EPB41L4B: variants seen among roughly 807,000 people sequenced by gnomAD.
The protein encoded by EPB41L4B is band 4.1-like protein 4B.
Under a neutral mutation model 112.5 loss-of-function variants are expected in EPB41L4B, and 30 were observed. The ratio of observed to expected loss-of-function variants is 0.27; its 90% CI spans 0.20 to 0.36. The LOEUF (loss-of-function observed/expected upper bound fraction) is 0.36. Ranked by LOEUF, EPB41L4B falls within the 10% of genes least tolerant of loss-of-function variation. EPB41L4B has a pLI of 1.00. For synonymous variants in EPB41L4B, 408 were observed against 439.7 expected (o/e 0.93, Z 0.90); for missense variants, 1,024 against 1,133.3 (o/e 0.90, Z 1.38).
chr9:109,250,441 C>T (rs1834740598), intron 13 of EPB41L4B, among the ~76,000 whole-genome samples: 1 of 152,240 alleles, frequency 6.6e-6, no homozygotes, highest in African/African-American at 2.4e-5. Flanking sequence ...GCCTTGAGAC[C>T]TGCGCCTGGG....
At chr9:109,293,353 A>G (rs1836604383) in intron 1 of EPB41L4B, among the ~76,000 whole-genome samples, 3 of 149,682 alleles carry the variant, frequency 2.0e-5, no homozygotes, top group African/African-American at 7.4e-5. Context: ...GCTTGAAGAC[A>G]AGGAAGCAGA....
At position 109,279,983 on chromosome 9, in the gene EPB41L4B, G is replaced by GT; in HGVS notation, c.307-63dup. On this transcript the variant is annotated intron_variant, in intron 1 of 25. Transcript: ENST00000374566. ...GAGACAGCTAGATAAGAAAAAAAAG[G>GT]TTAAAAAAAACCTACTTCTCTTTGT... 3.8e-6 allele frequency: 5 copies of GT among 1,328,930 alleles called. No homozygotes were observed. In the South Asian group the frequency reaches 6.6e-5, roughly 18 times the overall value. 82.3% of individuals were successfully genotyped at this position (1,328,930 alleles called of 1,614,324 possible).
intron 19 of EPB41L4B, among the ~76,000 whole-genome samples, chr9:109,202,939 T>G (rs969797639): frequency 3.3e-5 from 5 of 152,056 alleles, no homozygotes; most frequent in African/African-American, 1.2e-4. Context: ...GTGGATCACT[T>G]AAGTCAGGAG....
At chr9:109,262,935 A>G (rs1436085324) in intron 6 of EPB41L4B, 115 bp downstream of exon 6, 2 of 715,654 alleles carry the variant, frequency 2.8e-6, no homozygotes, top group Non-Finnish European at 2.3e-6. Context: ...AGACCGTGTC[A>G]TATTCATTTA....
intron 15 of EPB41L4B, chr9:109,241,226 C>CAA: frequency 1.0e-6 from 1 of 986,940 alleles, no homozygotes; most frequent in South Asian, 4.7e-5. Flanking sequence ...AAAATGAGGT[C>CAA]AATGAAGGGG....
At chr9:109,218,605 G>A (rs544480343) in intron 15 of EPB41L4B, among the ~76,000 whole-genome samples, 18 of 152,100 alleles carry the variant, frequency 1.2e-4, no homozygotes, top group African/African-American at 3.6e-4. Context: ...AATCCTTTAT[G>A]TGGCACTGAC....
At chr9:109,276,800 T>G (rs987640679) in intron 2 of EPB41L4B, among the ~76,000 whole-genome samples, 2 of 152,198 alleles carry the variant, frequency 1.3e-5, no homozygotes, top group Admixed American at 6.5e-5. Flanking sequence ...GAGGGGTCAC[T>G]TGGGGATGAG....
chr9:109,234,720 A>G (rs2118924070), intron 15 of EPB41L4B, among the ~76,000 whole-genome samples: 1 of 152,306 alleles, frequency 6.6e-6, no homozygotes, highest in East Asian at 1.9e-4. Context: ...TTAAAAATTT[A>G]GCAAAGCATG....
intron 20 of EPB41L4B, among the ~76,000 whole-genome samples, chr9:109,195,445 T>A (rs189039815): frequency 5.3e-5 from 8 of 152,276 alleles, no homozygotes; most frequent in Admixed American, 5.2e-4. Flanking sequence ...GACTTAGGGC[T>A]CATTACTAAA....
At chr9:109,246,163 A>C (rs1196474154) in intron 14 of EPB41L4B, among the ~76,000 whole-genome samples, 1 of 152,234 alleles carries the variant, frequency 6.6e-6, no homozygotes, top group African/African-American at 2.4e-5. Context: ...GCACTTTGGG[A>C]GGCTGAGGCG....
At chr9:109,186,239 G>C (rs28463411) in intron 22 of EPB41L4B, among the ~76,000 whole-genome samples, 8,994 of 151,872 alleles carry the variant, frequency 0.059, 407 homozygotes, top group Admixed American at 0.13. Flanking sequence ...CCAGGTTGGA[G>C]TGCAGTGTCA....
intron 15 of EPB41L4B, chr9:109,240,348 G>A (rs1834311239): frequency 2.0e-6 from 2 of 985,240 alleles, no homozygotes; most frequent in African/African-American, 1.7e-5. Context: ...ACTGTGCAAG[G>A]TATGCAGCTG....
At chr9:109,282,412 A>C (rs1836101469) in intron 1 of EPB41L4B, among the ~76,000 whole-genome samples, 1 of 152,234 alleles carries the variant, frequency 6.6e-6, no homozygotes, top group South Asian at 2.1e-4. Context: ...GAATCTAAAG[A>C]AAGCTTTTAA....
intron 15 of EPB41L4B, among the ~76,000 whole-genome samples, chr9:109,220,515 A>C (rs1833536262): frequency 6.6e-6 from 1 of 152,150 alleles, no homozygotes; most frequent in African/African-American, 2.4e-5. Flanking sequence ...TGGTGGATGG[A>C]GTGAGGTGAA....
chr9:109,288,754 A>AAAAAAAAAAAAAC (rs71372560), intron 1 of EPB41L4B, among the ~76,000 whole-genome samples: 1 of 139,030 alleles, frequency 7.2e-6, no homozygotes, highest in Admixed American at 7.5e-5. Flanking sequence ...AAAAAAAAAA[A>AAAAAAAAAAAAAC]GCTGGGTGTG....
intron 15 of EPB41L4B, among the ~76,000 whole-genome samples, chr9:109,233,521 G>A (rs1292487387): frequency 6.6e-6 from 1 of 151,130 alleles, no homozygotes; most frequent in African/African-American, 2.4e-5. Context: ...TGAATTTCTG[G>A]GAACCTACTT....
intron 15 of EPB41L4B, among the ~76,000 whole-genome samples, chr9:109,231,894 C>A: frequency 6.6e-6 from 1 of 151,448 alleles, no homozygotes; most frequent in East Asian, 1.9e-4. Context: ...GGCTCATGAC[C>A]AAGTTTATTC....
intron 2 of EPB41L4B, among the ~76,000 whole-genome samples, chr9:109,273,597 G>A (rs530528170): frequency 2.6e-5 from 4 of 152,294 alleles, no homozygotes; most frequent in Admixed American, 2.6e-4. Context: ...ACCATGCAAG[G>A]AGGCAGAAGA....
chr9:109,199,746 C>T (rs556081011), intron 20 of EPB41L4B, among the ~76,000 whole-genome samples: 1 of 152,300 alleles, frequency 6.6e-6, no homozygotes, highest in South Asian at 2.1e-4. Flanking sequence ...GTCACTCTCT[C>T]TGGCTCTTCT....
Sources: allele counts gnomAD v4.1 joint callset (sites outside exome capture counted in the v4.1 genomes callset), GRCh38; gene constraint gnomAD v4.1.1; transcripts MANE v1.5; gene names NCBI Gene and HGNC (gene_info 2026-07-23, HGNC 2026-07-21).